The following PTPRD variants were observed in gnomAD, a reference collection of about 807,000 sequenced individuals.
The protein encoded by PTPRD is protein tyrosine phosphatase receptor type D.
A neutral mutation model predicts 214.5 loss-of-function variants in PTPRD; 34 were observed. The ratio of observed to expected loss-of-function variants is 0.16; its 90% CI spans 0.12 to 0.21. The LOEUF is 0.21. Among genes scored for constraint, PTPRD ranks in the 10% least tolerant of loss-of-function variants. PTPRD has a pLI of 1.00. For missense variants in PTPRD, 2,545 were observed against 2,398.7 expected, an observed-to-expected ratio of 1.06 and a Z score of -1.27; for synonymous variants, 1,128 against 845.7, an observed-to-expected ratio of 1.33 and a Z score of -5.79.
intron 2 of PTPRD, among the ~76,000 whole-genome samples, chr9:10,557,122 A>G (rs115448356): frequency 2.0e-5 from 3 of 152,110 alleles, no homozygotes; most frequent in Non-Finnish European, 4.4e-5. Flanking sequence ...TTTGATTAAA[A>G]GAAATGCAAC....
chr9:8,315,707 G>C lies in PTPRD; in HGVS notation c.*2167C>G. The C allele has an allele frequency of 4.4e-6, 1 of 228,076 alleles. No individual in the cohort carries two copies. The highest frequency in any genetic ancestry group is 1.3e-3 in the Middle Eastern group (1 of 764). The allele number at this position is 228,076 out of a possible 1,614,324, so 14.1% of individuals were successfully genotyped here. A position where few individuals can be genotyped will look rare whatever the true frequency, so the allele number is the denominator to read the frequency against. On this transcript the variant is annotated 3_prime_UTR_variant, in exon 46 of 46. Coordinates refer to ENST00000381196, the MANE Select transcript of PTPRD (RefSeq NM_002839.4). ...CAAATACAATGCTTGCAAATGTTTGGTCTCTTGGATTTCACTCTGCTAGCA... is the reference window on the plus strand; with the variant it reads ...CAAATACAATGCTTGCAAATGTTTGCTCTCTTGGATTTCACTCTGCTAGCA...
chr9:9,595,435 C>T (rs1015337972), intron 7 of PTPRD, among the ~76,000 whole-genome samples: 7 of 148,134 alleles, frequency 4.7e-5, no homozygotes, highest in Admixed American at 2.0e-4. Context: ...CATATACACA[C>T]GTGTACACAT....
chr9:9,839,893 C>T (rs1196192739), intron 5 of PTPRD, among the ~76,000 whole-genome samples: 3 of 151,946 alleles, frequency 2.0e-5, no homozygotes, highest in Non-Finnish European at 4.4e-5. Context: ...TTTATTTAAA[C>T]ATATATTGAT....
At chr9:10,007,245 T>C (rs2096498220) in intron 4 of PTPRD, among the ~76,000 whole-genome samples, 1 of 152,016 alleles carries the variant, frequency 6.6e-6, no homozygotes, top group South Asian at 2.1e-4. Flanking sequence ...GCTTCATTTT[T>C]ATTACTTTTA....
chr9:9,243,037 G>C (rs2099971176), intron 9 of PTPRD, among the ~76,000 whole-genome samples: 1 of 152,090 alleles, frequency 6.6e-6, no homozygotes, highest in South Asian at 2.1e-4. Context: ...TATCCCTTCT[G>C]TTTGTTAGTT....
At chr9:10,367,434 G>A (rs1201802588) in intron 2 of PTPRD, among the ~76,000 whole-genome samples, 1 of 152,090 alleles carries the variant, frequency 6.6e-6, no homozygotes, top group East Asian at 1.9e-4. Flanking sequence ...GTTACCGTTT[G>A]AGCCAACCAC....
At chr9:9,363,716 C>T (rs375447068) in intron 9 of PTPRD, among the ~76,000 whole-genome samples, 5 of 151,352 alleles carry the variant, frequency 3.3e-5, no homozygotes, top group East Asian at 3.9e-4. Context: ...GGTGACCACT[C>T]TAGATTCTCT....
intron 9 of PTPRD, among the ~76,000 whole-genome samples, chr9:9,188,901 A>G (rs2099933364): frequency 6.6e-6 from 1 of 151,884 alleles, no homozygotes; most frequent in African/African-American, 2.4e-5. Flanking sequence ...CCAACACATA[A>G]AGTGGAAAGA....
intron 17 of PTPRD, among the ~76,000 whole-genome samples, 174 bp downstream of exon 17, chr9:8,526,448 AAAAGG>A (rs1379716994): frequency 3.3e-5 from 5 of 152,034 alleles, no homozygotes; most frequent in Admixed American, 6.6e-5. Flanking sequence ...GAGAGAAAGA[AAAAGG>A]AAAGGAAAGT....
At chr9:8,870,119 C>T (rs1202567187) in intron 11 of PTPRD, among the ~76,000 whole-genome samples, 3 of 141,730 alleles carry the variant, frequency 2.1e-5, no homozygotes, top group Non-Finnish European at 3.0e-5. Flanking sequence ...TATCTCTTTC[C>T]ATCAGTTAAA....
chr9:9,897,770 A>G lies in PTPRD; in HGVS notation c.-368+40737T>C, dbSNP rs2075384975. Among the ~76,000 whole-genome samples the G allele has an allele frequency of 1.3e-5, 2 of 152,134 alleles. 1 individual carries two copies. The highest frequency in any genetic ancestry group is 3.8e-4 in the East Asian group (2 of 5,196). ...AAACTACTTATGAGCATTTTATTTTAAACTTGATATTTTTTAAAGTAGACA... is the reference window on the plus strand; with the variant it reads ...AAACTACTTATGAGCATTTTATTTTGAACTTGATATTTTTTAAAGTAGACA... On this transcript the variant is annotated intron_variant, in intron 5 of 45. Transcript: ENST00000381196.
At chr9:8,930,930 T>C (rs559374918) in intron 11 of PTPRD, among the ~76,000 whole-genome samples, 3 of 152,308 alleles carry the variant, frequency 2.0e-5, no homozygotes, top group South Asian at 2.1e-4. Context: ...ACTCTGATGG[T>C]AGTTTCTTTT....
intron 5 of PTPRD, among the ~76,000 whole-genome samples, chr9:9,861,782 T>G (rs2062830916): frequency 6.6e-6 from 1 of 152,158 alleles, no homozygotes; most frequent in Non-Finnish European, 1.5e-5. Context: ...AAAGACTAAG[T>G]TGGTAATGAC....
chr9:9,806,893 C>A (rs1007124633), intron 5 of PTPRD, among the ~76,000 whole-genome samples: 1 of 152,120 alleles, frequency 6.6e-6, no homozygotes, highest in African/African-American at 2.4e-5. Flanking sequence ...AGTAAACACA[C>A]TGCACTTGTG....
At chr9:10,018,038 T>C (rs751944550) in intron 4 of PTPRD, among the ~76,000 whole-genome samples, 1 of 152,158 alleles carries the variant, frequency 6.6e-6, no homozygotes, top group African/African-American at 2.4e-5. Flanking sequence ...GTTAGTTTTA[T>C]TTATTGTCTT....
intron 2 of PTPRD, among the ~76,000 whole-genome samples, chr9:10,601,891 A>C (rs187178971): frequency 3.3e-5 from 5 of 151,850 alleles, no homozygotes; most frequent in African/African-American, 1.2e-4. Context: ...AAATTCATTG[A>C]ATTTTCTTAA....
intron 8 of PTPRD, among the ~76,000 whole-genome samples, chr9:9,470,447 T>C (rs1053756511): frequency 1.4e-4 from 21 of 152,220 alleles, no homozygotes; most frequent in Non-Finnish European, 2.8e-4. Context: ...GCAGAAACTT[T>C]GAATTCTTTA....
chr9:9,012,861 G>T (rs555706150), intron 11 of PTPRD, among the ~76,000 whole-genome samples: 1 of 152,224 alleles, frequency 6.6e-6, no homozygotes, highest in East Asian at 1.9e-4. Context: ...AAGAAAATCT[G>T]TGACTTGCCT....
intron 6 of PTPRD, among the ~76,000 whole-genome samples, chr9:9,752,391 G>C (rs2154466285): frequency 6.6e-6 from 1 of 152,118 alleles, no homozygotes; most frequent in South Asian, 2.1e-4. Flanking sequence ...TCATTTTAGA[G>C]ATGAACAAAT....
Sources: gnomAD v4.1 joint callset for allele counts (sites outside exome capture counted in the v4.1 genomes callset) on GRCh38, gnomAD v4.1.1 for gene constraint, MANE v1.5 for transcripts, NCBI Gene and HGNC (gene_info 2026-07-23, HGNC 2026-07-21) for gene names.